The following KRTCAP3 variants were observed in gnomAD, a reference collection of about 807,000 sequenced individuals.
The protein encoded by KRTCAP3 is keratinocyte associated protein 3.
A neutral mutation model predicts 20.5 loss-of-function variants in KRTCAP3; 18 were observed. That is an observed-to-expected ratio of 0.88 (90% CI 0.61 to 1.31). KRTCAP3 has a LOEUF of 1.31. KRTCAP3 is among the 50% of genes most tolerant of loss of function. KRTCAP3 has a pLI of 0.00. For synonymous variants in KRTCAP3, 167 were observed against 133.7 expected (o/e 1.25, Z -1.72); for missense variants, 347 against 310.4 (o/e 1.12, Z -0.89).
downstream of KRTCAP3, chr2:27,444,479 T>C (rs1444047678): frequency 6.2e-7 from 1 of 1,613,694 alleles, no homozygotes; most frequent in Admixed American, 1.7e-5. Flanking sequence ...CACCACTGAC[T>C]GATGAATTTC....
At position 27,444,008 on chromosome 2, in the gene KRTCAP3, A is replaced by G. The variant is rs1176360312; in HGVS notation, c.675A>G (p.Leu225=). 1 of 1,613,980 alleles carries G rather than the reference A, an allele frequency of 6.2e-7. No individual in the cohort carries two copies. The part of the protein sequence containing the change: ...PKCKRQENEQ[L]LDQNQEIRAS... The stretch of plus-strand genomic sequence containing the variant: ...GTAAAAGGCAGGAAAATGAGCAGCT[A>G]CTGGATCAAAATCAAGAAATCCGGG... Residue 225 remains leucine, a synonymous_variant, in exon 6 of 7, where the codon CTA becomes CTG. Transcript: ENST00000288873.
chr2:27,444,583 C>T (rs1664861686), downstream of KRTCAP3: 2 of 1,313,472 alleles, frequency 1.5e-6, no homozygotes, highest in Non-Finnish European at 2.2e-6. Flanking sequence ...AAATCAGCTC[C>T]ATCGCAGGCT....
chr2:27,445,906 C>G (rs181365583), downstream of KRTCAP3: 66 of 1,614,060 alleles, frequency 4.1e-5, no homozygotes, highest in Non-Finnish European at 5.4e-5. The surrounding 1 kb of genome is among the most constrained non-coding windows in gnomAD (Gnocchi z 4.4). Flanking sequence ...CCTCCACCCT[C>G]GGGGCACAGC....
chr2:27,442,669 ATGGCAC>A lies in KRTCAP3; in HGVS notation c.120_125del (p.Gly41_Thr42del). ...AACCTGCTGCTGGGGGCCGTGCTGC[ATGGCAC>A]CGTCCTGCGGCACGTGGCCAATCCC... On this transcript the variant is annotated inframe_deletion, in exon 2 of 7. Coordinates refer to ENST00000288873, the MANE Select transcript of KRTCAP3 (RefSeq NM_173853.4). The A allele has an allele frequency of 6.3e-7, 1 of 1,586,918 alleles. No individual in the cohort carries two copies. Among genetic ancestry groups the A allele is most frequent in the Non-Finnish European group, 8.6e-7 (1 of 1,166,108 alleles).
rs1664823410 is a variant in KRTCAP3, at chr2:27,444,208, T to TC, written c.*30dup. The TC allele has an allele frequency of 1.5e-6, 1 of 662,460 alleles. No individual in the cohort carries two copies. Among genetic ancestry groups the TC allele is most frequent in the Admixed American group, 2.8e-5 (1 of 35,716 alleles). 41.0% of individuals were successfully genotyped at this position (662,460 alleles called of 1,614,324 possible). A position where few individuals can be genotyped will look rare whatever the true frequency, so the allele number is the denominator to read the frequency against. On this transcript the variant is annotated 3_prime_UTR_variant, in exon 7 of 7. Transcript: ENST00000288873. ...CAGCAGGTGCTGTTCCGAGACTCAG[T>TC]CCTAAAGGGTTTTTTTTCCCACTAA...
downstream of KRTCAP3, chr2:27,445,430 A>T: frequency 6.2e-7 from 1 of 1,611,320 alleles, no homozygotes; most frequent in East Asian, 2.2e-5. This position sits in a 1 kb window ranked among gnomAD's most constrained non-coding sequence, Gnocchi z 4.4. Context: ...CCAGTCTCGA[A>T]CCTCTTCTCT....
chr2:27,445,637 A>C, downstream of KRTCAP3: 1 of 1,404,386 alleles, frequency 7.1e-7, no homozygotes, highest in Non-Finnish European at 9.8e-7. This position sits in a 1 kb window ranked among gnomAD's most constrained non-coding sequence, Gnocchi z 4.4. Flanking sequence ...TCACTGAAAA[A>C]ACAGTGAGGG....
At chr2:27,445,234 A>G, downstream of KRTCAP3, 2 of 1,584,344 alleles carry the variant, frequency 1.3e-6, no homozygotes, top group South Asian at 2.3e-5. This position sits in a 1 kb window ranked among gnomAD's most constrained non-coding sequence, Gnocchi z 4.4. Context: ...AGTAAAATTA[A>G]GTTTATTGAT....
downstream of KRTCAP3, chr2:27,445,949 G>A (rs186020523): frequency 1.4e-4 from 228 of 1,614,224 alleles, 1 homozygote; most frequent in East Asian, 3.4e-3. The surrounding 1 kb of genome is among the most constrained non-coding windows in gnomAD (Gnocchi z 4.4). Flanking sequence ...TCCAAAAAGC[G>A]ATTGAGGAAG....
chr2:27,443,571 C>G, intron 5 of KRTCAP3, 39 bp downstream of exon 5: 1 of 1,611,334 alleles, frequency 6.2e-7, no homozygotes, highest in Non-Finnish European at 8.5e-7. Flanking sequence ...TCCACAGAGA[C>G]TGGCTGTGTT....
At chr2:27,446,055 C>G, downstream of KRTCAP3, 1 of 1,588,102 alleles carries the variant, frequency 6.3e-7, no homozygotes, top group Admixed American at 1.7e-5. Context: ...CTCTGGGATC[C>G]AGATGCAAAT....
chr2:27,442,971 G>C (rs762813042), intron 3 of KRTCAP3, 70 bp downstream of exon 3: 37 of 1,590,594 alleles, frequency 2.3e-5, no homozygotes, highest in Non-Finnish European at 2.8e-5. Context: ...GACTGAGCTT[G>C]GTCTTTCAAT....
chr2:27,443,462 GT>G lies in KRTCAP3; in HGVS notation c.547del (p.Tyr183ThrfsTer24). ...TCTGCAGGGGAGGCTGCTCTATCTG[GT>G]TACTGCTGTGTGGCTGCACTCACTC... ...LMSAGEAALS[G>X]YCCVAALTLR... On this transcript the variant is annotated frameshift_variant, in exon 5 of 7. Coordinates refer to ENST00000288873, the MANE Select transcript of KRTCAP3 (RefSeq NM_173853.4). LOFTEE classifies it high-confidence loss of function. The G allele has an allele frequency of 6.2e-7, 1 of 1,614,136 alleles. No individual in the cohort carries two copies. Among genetic ancestry groups the G allele is most frequent in the East Asian group, 2.2e-5 (1 of 44,884 alleles).
downstream of KRTCAP3, chr2:27,445,097 T>C: frequency 3.1e-6 from 5 of 1,613,998 alleles, no homozygotes; most frequent in Non-Finnish European, 4.2e-6. This position sits in a 1 kb window ranked among gnomAD's most constrained non-coding sequence, Gnocchi z 4.4. Flanking sequence ...TTCCTCAGAA[T>C]GGGGTATCCT....
At chr2:27,445,002 C>G, downstream of KRTCAP3, 1 of 1,612,658 alleles carries the variant, frequency 6.2e-7, no homozygotes, top group Non-Finnish European at 8.5e-7. The surrounding 1 kb of genome is among the most constrained non-coding windows in gnomAD (Gnocchi z 4.4). Flanking sequence ...TCTCCAAGTC[C>G]TCCTCTCTAA....
rs533783919 is a variant in KRTCAP3, at chr2:27,443,382, C to G, written c.481-16C>G. ...TGCCCTACTCCCTCCTACTCCCCAT[C>G]CTTCTTGCTTTTCAGGATACAGCCT... On this transcript the variant is annotated splice_polypyrimidine_tract_variant and intron_variant, in intron 4 of 6. Transcript: ENST00000288873. The G allele has an allele frequency of 2.0e-5, 33 of 1,614,156 alleles. No homozygotes were observed. The East Asian group carries it at 7.4e-4, about 36-fold the overall frequency.
chr2:27,444,957 T>C, downstream of KRTCAP3: 1 of 1,577,678 alleles, frequency 6.3e-7, no homozygotes. Flanking sequence ...ACTTGTTTTT[T>C]TTTCTTTTTT....
rs770004542 is a variant in KRTCAP3 at position 27,443,545 on chromosome 2, A to G, written c.615+13A>G. The G allele has an allele frequency of 1.2e-6, 2 of 1,613,778 alleles. No individual in the cohort carries two copies. Among genetic ancestry groups the G allele is most frequent in the African/African-American group, 2.7e-5 (2 of 74,908 alleles). ...ACTTCAGGGGCAGGTAAGGAAGGCAAACAGGAAGGGTTCATTCCACAGAGA... is the reference window on the plus strand; with the variant it reads ...ACTTCAGGGGCAGGTAAGGAAGGCAGACAGGAAGGGTTCATTCCACAGAGA... On this transcript the variant is annotated intron_variant, in intron 5 of 6. Coordinates refer to ENST00000288873, the MANE Select transcript of KRTCAP3 (RefSeq NM_173853.4).
rs748599228 is a variant in KRTCAP3 at position 27,442,616 on chromosome 2, C to T, written c.66C>T (p.Gly22=). 8 of 1,567,944 alleles carry T rather than the reference C, an allele frequency of 5.1e-6. No homozygotes were observed. Among genetic ancestry groups the T allele is most frequent in the South Asian group, 3.6e-5 (3 of 83,480 alleles). The part of the protein sequence containing the change: ...ARGPRRLMRV[G]LALILVGHVN... ...GGCCCAGGCGGCTGATGCGTGTGGG[C>T]CTCGCGCTGATCTTGGTGGGCCACG... The change falls in exon 2 of 7, where the codon GGC becomes GGT. Residue 22 remains glycine (G), a synonymous_variant. Coordinates refer to ENST00000288873, the MANE Select transcript of KRTCAP3 (RefSeq NM_173853.4).
Sources: allele counts gnomAD v4.1 joint callset, GRCh38; gene constraint gnomAD v4.1.1; non-coding constraint Gnocchi (gnomAD v3.1); transcripts MANE v1.5; gene names NCBI Gene and HGNC (gene_info 2026-07-23, HGNC 2026-07-21).